VWC2: variants seen among roughly 807,000 people sequenced by gnomAD.
VWC2 encodes brorin.
A neutral mutation model predicts 29.8 loss-of-function variants in VWC2; 14 were observed. The observed-to-expected ratio is 0.47, with a 90% CI of 0.31 to 0.74. The LOEUF (loss-of-function observed/expected upper bound fraction) is 0.74, where lower values mean the gene tolerates loss of function less well. Ranked by LOEUF, VWC2 falls within the 30% of genes least tolerant of loss-of-function variation. VWC2 has a pLI of 0.05. For missense variants in VWC2, 457 were observed against 459.8 expected (o/e 0.99, Z 0.05); for synonymous variants, 213 against 199.0 (o/e 1.07, Z -0.59).
chr7:49,872,934 AAAAG>A (rs1163136710), intron 3 of VWC2, among the ~76,000 whole-genome samples: 1 of 148,592 alleles, frequency 6.7e-6, no homozygotes, highest in Non-Finnish European at 1.5e-5. Context: ...AAAAAAAAAA[AAAAG>A]AAAGAAAAAA....
Position 49,774,066 on chromosome 7 carries a change from C to T in VWC2, c.-151C>T, listed in dbSNP as rs1330274377. ...CCGGGCCCGCGCCCGCCGCTGCTACCCCTGCGCCCGCTGCGAGCCCGGCGT... is the reference window on the plus strand; with the variant it reads ...CCGGGCCCGCGCCCGCCGCTGCTACTCCTGCGCCCGCTGCGAGCCCGGCGT... On this transcript the variant is annotated 5_prime_UTR_variant, in exon 1 of 4. Transcript: ENST00000340652. 6.6e-6 allele frequency: 1 copy of T among 152,376 alleles called. No homozygotes were observed. Among genetic ancestry groups the T allele is most frequent in the Non-Finnish European group, 1.5e-5 (1 of 68,346 alleles). The allele number at this position is 152,376 out of a possible 1,614,324, so 9.4% of individuals were successfully genotyped here. A position where few individuals can be genotyped will look rare whatever the true frequency, so the allele number is the denominator to read the frequency against.
intron 3 of VWC2, among the ~76,000 whole-genome samples, chr7:49,816,133 G>A (rs1789137358): frequency 6.6e-6 from 1 of 152,144 alleles, no homozygotes; most frequent in Admixed American, 6.6e-5. Flanking sequence ...TAGTTGGAGG[G>A]AGAGTTGGAA....
chr7:49,859,858 T>C (rs903056987), intron 3 of VWC2, among the ~76,000 whole-genome samples: 3 of 152,084 alleles, frequency 2.0e-5, no homozygotes, highest in Admixed American at 1.3e-4. Context: ...ACAATTGCAT[T>C]GATGTTTAGA....
chr7:49,850,136 A>G (rs1790118249), intron 3 of VWC2, among the ~76,000 whole-genome samples: 2 of 152,204 alleles, frequency 1.3e-5, no homozygotes, highest in African/African-American at 2.4e-5. Flanking sequence ...AGGAAAACAG[A>G]GCACAGTGCT....
Position 49,915,920 on chromosome 7 carries a change from A to G in VWC2, c.*3735A>G, listed in dbSNP as rs1344139835. ...GTCTTACTGAACCTACTTACCTACT[A>G]TATTTTTTTTCCTCACTAGTAGCAT... On this transcript the variant is annotated 3_prime_UTR_variant, in exon 4 of 4. Coordinates refer to ENST00000340652, the MANE Select transcript of VWC2 (RefSeq NM_198570.5). 6.6e-6 allele frequency: 1 copy of G among 152,122 alleles called. No individual in the cohort carries two copies. Among genetic ancestry groups the G allele is most frequent in the Non-Finnish European group, 1.5e-5 (1 of 68,010 alleles). 9.4% of individuals were successfully genotyped at this position (152,122 alleles called of 1,614,324 possible).
chr7:49,830,692 C>T (rs1196105561), intron 3 of VWC2, among the ~76,000 whole-genome samples: 7 of 152,104 alleles, frequency 4.6e-5, no homozygotes, highest in South Asian at 2.1e-4. Context: ...CGACAGGCCT[C>T]GGTGTGTGAT....
At chr7:49,838,032 G>A (rs948644376) in intron 3 of VWC2, among the ~76,000 whole-genome samples, 5 of 152,236 alleles carry the variant, frequency 3.3e-5, no homozygotes, top group African/African-American at 4.8e-5. Context: ...TCAAAGGGAA[G>A]TCAATGCTAT....
chr7:49,910,453 GC>G (rs1403876438), intron 3 of VWC2, among the ~76,000 whole-genome samples: 1 of 152,146 alleles, frequency 6.6e-6, no homozygotes, highest in Non-Finnish European at 1.5e-5. Context: ...TGAGAATTTT[GC>G]AAACTGTTGA....
intron 3 of VWC2, among the ~76,000 whole-genome samples, chr7:49,825,039 G>T (rs964849473): frequency 1.3e-5 from 2 of 151,800 alleles, no homozygotes; most frequent in African/African-American, 4.8e-5. Flanking sequence ...TATTTTCCCT[G>T]TATCTTTTTT....
At chr7:49,784,424 TGAA>T (rs1040598725) in intron 2 of VWC2, among the ~76,000 whole-genome samples, 3 of 152,242 alleles carry the variant, frequency 2.0e-5, no homozygotes, top group Non-Finnish European at 2.9e-5. Flanking sequence ...AAGTCTGCCT[TGAA>T]GTTGTGGCTG....
intron 3 of VWC2, among the ~76,000 whole-genome samples, chr7:49,827,142 TTC>T (rs1387513394): frequency 3.3e-5 from 5 of 152,114 alleles, no homozygotes; most frequent in Non-Finnish European, 7.4e-5. Flanking sequence ...ATTTTGTATA[TTC>T]TGTTAATACA....
chr7:49,874,375 G>A (rs1379472074), intron 3 of VWC2, among the ~76,000 whole-genome samples: 3 of 152,172 alleles, frequency 2.0e-5, no homozygotes, highest in African/African-American at 2.4e-5. Flanking sequence ...GGAACATGCC[G>A]TGCAGGTTTG....
At position 49,839,006 on chromosome 7, in the gene VWC2, G is replaced by A. The variant is rs140179115; in HGVS notation, c.826+36166G>A. 2.4e-3 allele frequency among the ~76,000 whole-genome samples: 360 copies of A among 152,194 alleles called. 4 individuals carry two copies. Among genetic ancestry groups the A allele is most frequent in the Middle Eastern group, 0.01 (3 of 294 alleles). On this transcript the variant is annotated intron_variant, in intron 3 of 3. Coordinates refer to ENST00000340652, the MANE Select transcript of VWC2 (RefSeq NM_198570.5). ...GGTGATAAAGTGTAAATGATTTCCCGATGGTAGGGCCCTTCTCTGATAGGA... is the reference window on the plus strand; with the variant it reads ...GGTGATAAAGTGTAAATGATTTCCCAATGGTAGGGCCCTTCTCTGATAGGA...
At chr7:49,890,791 C>T (rs1487360845) in intron 3 of VWC2, among the ~76,000 whole-genome samples, 1 of 151,884 alleles carries the variant, frequency 6.6e-6, no homozygotes, top group Non-Finnish European at 1.5e-5. Flanking sequence ...GTCTAGCTCT[C>T]ACAGGAAAGG....
intron 3 of VWC2, among the ~76,000 whole-genome samples, chr7:49,838,990 G>A (rs1347707027): frequency 6.6e-6 from 1 of 152,174 alleles, no homozygotes; most frequent in Admixed American, 6.5e-5. Context: ...AGGTGATAAA[G>A]TGTAAATGAT....
intron 3 of VWC2, among the ~76,000 whole-genome samples, chr7:49,803,847 C>T (rs772855943): frequency 6.6e-6 from 1 of 152,106 alleles, no homozygotes; most frequent in Non-Finnish European, 1.5e-5. Flanking sequence ...TGGGTACCTT[C>T]GACCACGTAC....
At chr7:49,902,216 C>T (rs1583795185) in intron 3 of VWC2, among the ~76,000 whole-genome samples, 1 of 151,796 alleles carries the variant, frequency 6.6e-6, no homozygotes, top group African/African-American at 2.4e-5. Context: ...AATTTTTGCT[C>T]TCTGAAAGAT....
At chr7:49,829,007 C>G (rs1484812245) in intron 3 of VWC2, among the ~76,000 whole-genome samples, 1 of 152,172 alleles carries the variant, frequency 6.6e-6, no homozygotes, top group African/African-American at 2.4e-5. Context: ...GGCTCTTGCC[C>G]ACAGCTCCTC....
At chr7:49,830,267 T>A (rs1009957667) in intron 3 of VWC2, among the ~76,000 whole-genome samples, 7 of 151,984 alleles carry the variant, frequency 4.6e-5, no homozygotes, top group African/African-American at 9.7e-5. Flanking sequence ...AAAAAAAAAA[T>A]TTAACAAGTA....
Sources: gnomAD v4.1 joint callset for allele counts (sites outside exome capture counted in the v4.1 genomes callset) on GRCh38, gnomAD v4.1.1 for gene constraint, MANE v1.5 for transcripts, NCBI Gene and HGNC (gene_info 2026-07-23, HGNC 2026-07-21) for gene names.